The following NEDD9 variants were observed in gnomAD, a reference collection of about 807,000 sequenced individuals.
NEDD9 encodes neural precursor cell expressed, developmentally down-regulated 9, also known as enhancer of filamentation 1.
A neutral mutation model predicts 76.6 loss-of-function variants in NEDD9; 26 were observed. That is an observed-to-expected ratio of 0.34 (90% CI 0.25 to 0.47). The LOEUF is 0.47. Among genes scored for constraint, NEDD9 ranks in the 20% least tolerant of loss-of-function variants. The pLI, the probability that NEDD9 is intolerant of heterozygous loss-of-function variation, is 1.00. For missense variants in NEDD9, 937 were observed against 1,058.5 expected, an observed-to-expected ratio of 0.89 and a Z score of 1.59; for synonymous variants, 392 against 414.2, an observed-to-expected ratio of 0.95 and a Z score of 0.65.
chr6:11,219,870 G>A (rs1479134820), intron 1 of NEDD9, among the ~76,000 whole-genome samples: 1 of 152,190 alleles, frequency 6.6e-6, no homozygotes, highest in African/African-American at 2.4e-5. Context: ...ATATCTGTAA[G>A]TGTCAGGATT....
At chr6:11,331,384 T>TG (rs1213330044) in intron 2 of NEDD9, among the ~76,000 whole-genome samples, 1 of 28,654 alleles carries the variant, frequency 3.5e-5, no homozygotes, top group African/African-American at 1.4e-4. Flanking sequence ...GAGGCGGGGG[T>TG]GGGGGGTGTG....
rs749698778 is a variant in NEDD9, at chr6:11,185,169, G to T, written c.2498C>A (p.Thr833Lys). 6.2e-7 allele frequency: 1 copy of T among 1,607,854 alleles called. No homozygotes were observed. The stretch of plus-strand genomic sequence containing the variant: ...TTCCTCTTTTTTTTCTTCTCAGAAC[G>T]TTGCCATCTCCAGCAAAGAGCGCTT... The part of the protein sequence containing the change: ...LFKRSLLEMA[T>K]F The change falls in exon 7 of 7, where the codon ACG becomes AAG. Residue 833 changes from threonine (T) to lysine (K), a missense_variant. Thr to Lys is a moderately conservative substitution (Grantham distance 78, BLOSUM62 -1). Coordinates refer to ENST00000379446, the MANE Select transcript of NEDD9 (RefSeq NM_006403.4).
At chr6:11,335,126 TAA>T (rs57208113) in intron 1 of NEDD9, among the ~76,000 whole-genome samples, 1 of 151,882 alleles carries the variant, frequency 6.6e-6, no homozygotes, top group Non-Finnish European at 1.5e-5. Flanking sequence ...TGACTGAAAG[TAA>T]AAAAAAATCA....
At chr6:11,373,189 A>G (rs1762910932) in intron 1 of NEDD9, among the ~76,000 whole-genome samples, 1 of 152,138 alleles carries the variant, frequency 6.6e-6, no homozygotes, top group Admixed American at 6.5e-5. Context: ...TGAAATAATC[A>G]TGTACAAAAT....
At chr6:11,329,212 G>T (rs904451242) in intron 2 of NEDD9, among the ~76,000 whole-genome samples, 1 of 152,190 alleles carries the variant, frequency 6.6e-6, no homozygotes, top group Non-Finnish European at 1.5e-5. Context: ...TATGACTTTG[G>T]TCCTGGGAAG....
intron 5 of NEDD9, among the ~76,000 whole-genome samples, 198 bp downstream of exon 5, chr6:11,189,766 A>G (rs1482365983): frequency 6.6e-6 from 1 of 152,228 alleles, no homozygotes; most frequent in Non-Finnish European, 1.5e-5. Flanking sequence ...AGAAAGGGCT[A>G]GATCTGAGTG....
chr6:11,239,199 G>A (rs1457217355), intron 3 of NEDD9, among the ~76,000 whole-genome samples: 4 of 152,156 alleles, frequency 2.6e-5, no homozygotes, highest in African/African-American at 9.6e-5. Context: ...ATCTGCATAT[G>A]CTCTCTAGTC....
intron 1 of NEDD9, among the ~76,000 whole-genome samples, chr6:11,353,239 C>T (rs561793292): frequency 2.6e-5 from 4 of 152,248 alleles, no homozygotes; most frequent in African/African-American, 7.2e-5. Context: ...TGTGGGAGTC[C>T]TATCTCCTTG....
upstream of NEDD9, among the ~76,000 whole-genome samples, chr6:11,237,032 A>AC (rs920915838): frequency 2.0e-5 from 3 of 151,092 alleles, no homozygotes; most frequent in East Asian, 3.9e-4. This position sits in a 1 kb window ranked among gnomAD's most constrained non-coding sequence, Gnocchi z 4.9. Flanking sequence ...GCTGAGAATG[A>AC]CCCCCCTTCA....
chr6:11,310,524 C>T (rs1402228628), intron 2 of NEDD9, among the ~76,000 whole-genome samples: 1 of 152,190 alleles, frequency 6.6e-6, no homozygotes, highest in Non-Finnish European at 1.5e-5. Flanking sequence ...CCACTGCAAC[C>T]TCAGGGCCAC....
At chr6:11,212,360 C>T (rs1269114979) in intron 2 of NEDD9, among the ~76,000 whole-genome samples, 3 of 152,180 alleles carry the variant, frequency 2.0e-5, no homozygotes, top group Non-Finnish European at 4.4e-5. Flanking sequence ...CCCGATCAGT[C>T]CACTGACATT....
chr6:11,303,355 T>C (rs553143719), intron 3 of NEDD9, among the ~76,000 whole-genome samples: 4 of 152,098 alleles, frequency 2.6e-5, no homozygotes, highest in Admixed American at 2.0e-4. Flanking sequence ...CACTGCTCAA[T>C]GAAATAAAAG....
chr6:11,262,115 C>T (rs1760126314), intron 3 of NEDD9, among the ~76,000 whole-genome samples: 1 of 152,188 alleles, frequency 6.6e-6, no homozygotes, highest in South Asian at 2.1e-4. Flanking sequence ...CCGGACCTGA[C>T]TTGCAAAGGG....
chr6:11,302,590 G>C (rs1188869497), intron 3 of NEDD9, among the ~76,000 whole-genome samples: 1 of 152,164 alleles, frequency 6.6e-6, no homozygotes, highest in East Asian at 1.9e-4. Flanking sequence ...CCATATCCCT[G>C]ATGAACATTG....
chr6:11,232,648 C>T lies in NEDD9; in HGVS notation c.-133G>A. 2 of 1,559,832 alleles carry T rather than the reference C, an allele frequency of 1.3e-6. No individual in the cohort carries two copies. The highest frequency in any genetic ancestry group is 2.3e-5 in the South Asian group (2 of 85,696). On this transcript the variant is annotated 5_prime_UTR_variant, in exon 1 of 7. Coordinates refer to ENST00000379446, the MANE Select transcript of NEDD9 (RefSeq NM_006403.4). ...CCCGGGCAGAGCCGCTTGTCAGTCGCAGCGCCTCCCTCAAGTCTCTGAGCT... is the reference window on the plus strand; with the variant it reads ...CCCGGGCAGAGCCGCTTGTCAGTCGTAGCGCCTCCCTCAAGTCTCTGAGCT...
At chr6:11,232,384 TC>T in intron 1 of NEDD9, 119 bp downstream of exon 1, 1 of 1,263,004 alleles carries the variant, frequency 7.9e-7, no homozygotes, top group South Asian at 1.3e-5. Context: ...TGACCGAGAC[TC>T]ATCTTAGAAC....
In NEDD9 at chr6:11,184,942, G is replaced by T; in HGVS notation, c.*220C>A. ...AGTTTTCTGTACAGTTTATGTCTCA[G>T]ATACTTCTATGTATACATAAGAACC... is the stretch of plus-strand genomic sequence containing the variant. On this transcript the variant is annotated 3_prime_UTR_variant, in exon 7 of 7. Transcript: ENST00000379446. 2.0e-6 allele frequency: 1 copy of T among 499,704 alleles called. No homozygotes were observed. The highest frequency in any genetic ancestry group is 1.9e-5 in the African/African-American group (1 of 52,352). 31.0% of individuals were successfully genotyped at this position (499,704 alleles called of 1,614,324 possible). A position where few individuals can be genotyped will look rare whatever the true frequency, so the allele number is the denominator to read the frequency against.
intron 3 of NEDD9, among the ~76,000 whole-genome samples, chr6:11,247,121 G>T (rs1329533928): frequency 1.3e-5 from 2 of 152,148 alleles, no homozygotes; most frequent in Admixed American, 6.5e-5. Context: ...CAGTAACCAA[G>T]TAAAGAGAGC....
chr6:11,290,191 C>T (rs1760735415), intron 3 of NEDD9, among the ~76,000 whole-genome samples: 4 of 152,198 alleles, frequency 2.6e-5, no homozygotes, highest in Admixed American at 2.6e-4. Context: ...TGTTGGAAGC[C>T]TCTGTTGTTT....
Sources: gnomAD v4.1 joint callset for allele counts (sites outside exome capture counted in the v4.1 genomes callset) on GRCh38, gnomAD v4.1.1 for gene constraint, Gnocchi (gnomAD v3.1) non-coding constraint, MANE v1.5 for transcripts, NCBI Gene and HGNC (gene_info 2026-07-23, HGNC 2026-07-21) for gene names.